Variants in MTF2 observed in about 807,000 individuals in gnomAD.
MTF2 encodes metal response element binding transcription factor 2.
In MTF2, 11 loss-of-function variants were observed where a neutral mutation model predicts 79.5. That is an observed-to-expected ratio of 0.14 (90% confidence interval 0.09 to 0.23). The LOEUF is 0.23. MTF2 is among the 10% of genes least tolerant of loss of function. The pLI is 1.00. For missense variants in MTF2, 486 were observed against 711.2 expected, an observed-to-expected ratio of 0.68 and a Z score of 3.60; for synonymous variants, 208 against 232.8, an observed-to-expected ratio of 0.89 and a Z score of 0.97.
In MTF2 at chr1:93,129,260, A is replaced by AT. The variant is rs749423230; in HGVS notation, c.990-11dup. On this transcript the variant is annotated splice_polypyrimidine_tract_variant and intron_variant, in intron 10 of 14. Transcript: ENST00000370298. ...TGTTCAGTTTTTAAAATTTTAGTTA[A>AT]TTTTTTTAAAAATTTAGGTTTATGT... 7.3e-6 allele frequency: 11 copies of AT among 1,514,014 alleles called. No individual in the cohort carries two copies. The highest frequency in any genetic ancestry group is 2.0e-5 in the Admixed American group (1 of 48,978). 93.8% of individuals were successfully genotyped at this position (1,514,014 alleles called of 1,614,324 possible).
At chr1:93,123,462 A>G (rs1487387225) in intron 9 of MTF2, among the ~76,000 whole-genome samples, 1 of 152,102 alleles carries the variant, frequency 6.6e-6, no homozygotes, top group Non-Finnish European at 1.5e-5. Flanking sequence ...TTGTGATTTT[A>G]GTTTATCTAA....
Position 93,138,630 on chromosome 1 carries a change from T to A in MTF2, c.*1603T>A, listed in dbSNP as rs1478734872. 1 of 152,188 alleles carries A rather than the reference T, an allele frequency of 6.6e-6. No homozygotes were observed. Among genetic ancestry groups the A allele is most frequent in the African/African-American group, 2.4e-5 (1 of 41,454 alleles). The allele number at this position is 152,188 out of a possible 1,614,324, so 9.4% of individuals were successfully genotyped here. On this transcript the variant is annotated 3_prime_UTR_variant, in exon 15 of 15. Transcript: ENST00000370298. ...CAGGTATAAATGAGCTTTACAAAAG[T>A]GCAAATTAAAAACTGTTACTTCTGT...
At chr1:93,104,102 C>CA (rs1655662142) in intron 1 of MTF2, among the ~76,000 whole-genome samples, 1 of 125,430 alleles carries the variant, frequency 8.0e-6, no homozygotes, top group Admixed American at 8.0e-5. Context: ...CTACACCCAG[C>CA]TTTTTTTTTT....
intron 9 of MTF2, chr1:93,121,506 C>G: frequency 1.0e-6 from 1 of 984,522 alleles, no homozygotes; most frequent in Non-Finnish European, 1.2e-6. Context: ...GGAAGAATTT[C>G]TTGATTTGTA....
chr1:93,114,621 A>T (rs1001249705), intron 3 of MTF2, 67 bp from the exon 4 acceptor site: 1 of 1,226,746 alleles, frequency 8.2e-7, no homozygotes, highest in Non-Finnish European at 1.2e-6. Flanking sequence ...TCACTGAGTC[A>T]TAAAAGTGGT....
intron 6 of MTF2, among the ~76,000 whole-genome samples, chr1:93,116,500 G>GTTTTT (rs1656254223): frequency 9.2e-6 from 1 of 109,048 alleles, no homozygotes; most frequent in African/African-American, 5.1e-5. Context: ...GCCATTGTAA[G>GTTTTT]ATTTTTTTTT....
At chr1:93,114,864 T>C (rs949105524) in intron 4 of MTF2, 81 bp downstream of exon 4, 11 of 1,263,406 alleles carry the variant, frequency 8.7e-6, no homozygotes, top group Non-Finnish European at 1.2e-5. Context: ...TTTACATTGA[T>C]AATTTGAAAT....
intron 1 of MTF2, among the ~76,000 whole-genome samples, chr1:93,100,425 C>G (rs1655481846): frequency 6.6e-6 from 1 of 152,156 alleles, no homozygotes; most frequent in Non-Finnish European, 1.5e-5. Flanking sequence ...CTGCCTCAGC[C>G]TCCTGAGTAG....
chr1:93,124,235 C>T (rs1212349923), intron 9 of MTF2, among the ~76,000 whole-genome samples: 3 of 151,912 alleles, frequency 2.0e-5, no homozygotes, highest in African/African-American at 7.3e-5. Context: ...GTTTGAGGAA[C>T]TACTATGTTT....
intron 9 of MTF2, among the ~76,000 whole-genome samples, chr1:93,126,093 C>G (rs1285383924): frequency 6.6e-6 from 1 of 151,764 alleles, no homozygotes; most frequent in Non-Finnish European, 1.5e-5. Flanking sequence ...TTAGACCCTT[C>G]AGAAATTACA....
intron 1 of MTF2, among the ~76,000 whole-genome samples, chr1:93,079,812 T>G: frequency 6.7e-6 from 1 of 150,248 alleles, no homozygotes; most frequent in Non-Finnish European, 1.5e-5. Context: ...GGAAGCTGTG[T>G]TTGGAGGGCA....
At position 93,079,304 on chromosome 1, in the gene MTF2, G is replaced by C; in HGVS notation, c.-223G>C. 1.8e-6 allele frequency: 1 copy of C among 550,854 alleles called. No individual in the cohort carries two copies. Among genetic ancestry groups the C allele is most frequent in the East Asian group, 3.0e-5 (1 of 33,022 alleles). The allele number at this position is 550,854 out of a possible 1,614,324, so 34.1% of individuals were successfully genotyped here. Reference sequence around the variant, plus strand: ...CGGCAGTCCGCGGGAAACCAAAATGGCGAGGGGCTGTATTGAAGTGGGCTG... The same window carrying C: ...CGGCAGTCCGCGGGAAACCAAAATGCCGAGGGGCTGTATTGAAGTGGGCTG... On this transcript the variant is annotated 5_prime_UTR_variant, in exon 1 of 15. Transcript: ENST00000370298.
Position 93,120,532 on chromosome 1 carries a change from T to C in MTF2, c.798-17T>C. On this transcript the variant is annotated splice_polypyrimidine_tract_variant and intron_variant, in intron 8 of 14. Coordinates refer to ENST00000370298, the MANE Select transcript of MTF2 (RefSeq NM_007358.4). Reference sequence around the variant, plus strand: ...CAAAAACATTGTTTTGTGTATTTGATTATTTTCGGATTCCAGGGTAGATAT... The same window carrying C: ...CAAAAACATTGTTTTGTGTATTTGACTATTTTCGGATTCCAGGGTAGATAT... 6.4e-7 allele frequency: 1 copy of C among 1,557,222 alleles called. No homozygotes were observed. Among genetic ancestry groups the C allele is most frequent in the Non-Finnish European group, 8.6e-7 (1 of 1,157,022 alleles).
chr1:93,108,684 A>G (rs1000325886), intron 1 of MTF2, among the ~76,000 whole-genome samples: 5 of 59,140 alleles, frequency 8.5e-5, no homozygotes, highest in Admixed American at 6.4e-4. Flanking sequence ...CATTTATCCT[A>G]CTTGGAATTT....
Position 93,137,680 on chromosome 1 carries a change from G to C in MTF2, c.*653G>C, listed in dbSNP as rs1208114183. On this transcript the variant is annotated 3_prime_UTR_variant, in exon 15 of 15. Coordinates refer to ENST00000370298, the MANE Select transcript of MTF2 (RefSeq NM_007358.4). ...CCTATGCAATACAAATTATGGGAAT[G>C]GGCAGCTTTGGAGTATATATCCCAT... 1 of 152,080 alleles carries C rather than the reference G, an allele frequency of 6.6e-6. No homozygotes were observed. Among genetic ancestry groups the C allele is most frequent in the Non-Finnish European group, 1.5e-5 (1 of 68,012 alleles). The allele number at this position is 152,080 out of a possible 1,614,324, so 9.4% of individuals were successfully genotyped here.
At chr1:93,123,594 C>G (rs993681188) in intron 9 of MTF2, among the ~76,000 whole-genome samples, 81 of 151,990 alleles carry the variant, frequency 5.3e-4, no homozygotes, top group Admixed American at 2.3e-3. Context: ...AGGCAGTTAT[C>G]CACATTTATT....
intron 1 of MTF2, among the ~76,000 whole-genome samples, chr1:93,107,250 A>G (rs980226126): frequency 6.6e-6 from 1 of 152,242 alleles, no homozygotes; most frequent in Non-Finnish European, 1.5e-5. Context: ...TTTGAGATGT[A>G]GTTTTGCTCT....
intron 9 of MTF2, among the ~76,000 whole-genome samples, chr1:93,126,090 C>G (rs375077875): frequency 1.3e-5 from 2 of 151,872 alleles, no homozygotes; most frequent in South Asian, 2.1e-4. Context: ...TCATTAGACC[C>G]TTCAGAAATT....
At chr1:93,105,077 G>A (rs1655711776) in intron 1 of MTF2, among the ~76,000 whole-genome samples, 1 of 149,534 alleles carries the variant, frequency 6.7e-6, no homozygotes, top group African/African-American at 2.5e-5. Context: ...CTGGGAGGCG[G>A]AGCTTGCAGT....
Sources: allele counts gnomAD v4.1 joint callset (sites outside exome capture counted in the v4.1 genomes callset), GRCh38; gene constraint gnomAD v4.1.1; transcripts MANE v1.5; gene names NCBI Gene and HGNC (gene_info 2026-07-23, HGNC 2026-07-21).